The following COMMD7 variants were observed in gnomAD, a reference collection of about 807,000 sequenced individuals.
The protein encoded by COMMD7 is COMM domain containing 7.
In COMMD7, 28 loss-of-function variants were observed where a neutral mutation model predicts 34.8. The ratio of observed to expected loss-of-function variants is 0.80; its 90% CI spans 0.60 to 1.10. COMMD7 has a LOEUF of 1.10. Among genes scored for constraint, COMMD7 ranks in the 50% least tolerant of loss-of-function variants. The pLI is 0.00. For synonymous variants in COMMD7, 80 were observed against 86.4 expected, an observed-to-expected ratio of 0.93 and a Z score of 0.41; for missense variants, 211 against 241.6, an observed-to-expected ratio of 0.87 and a Z score of 0.84.
At chr20:32,717,992 G>C (rs1426476039) in intron 3 of COMMD7, among the ~76,000 whole-genome samples, 2 of 151,758 alleles carry the variant, frequency 1.3e-5, no homozygotes, top group Non-Finnish European at 2.9e-5. Context: ...AGGAAGCTGA[G>C]GCAGGAGAAT....
chr20:32,719,751 A>G (rs1378789433), intron 3 of COMMD7, among the ~76,000 whole-genome samples: 3 of 152,196 alleles, frequency 2.0e-5, no homozygotes, highest in Non-Finnish European at 2.9e-5. Flanking sequence ...GTTTTATCCC[A>G]TAATTTGACA....
intron 3 of COMMD7, among the ~76,000 whole-genome samples, chr20:32,707,286 A>G (rs1350278678): frequency 1.2e-5 from 1 of 84,534 alleles, no homozygotes; most frequent in African/African-American, 3.0e-5. Context: ...TCCGTCTCAA[A>G]AAAAAAAAAT....
chr20:32,716,412 T>G (rs988024854), intron 3 of COMMD7, among the ~76,000 whole-genome samples: 10 of 152,102 alleles, frequency 6.6e-5, no homozygotes, highest in East Asian at 3.9e-4. Flanking sequence ...TCAGGAGATC[T>G]AGACCATCCT....
chr20:32,731,422 G>A (rs558147602), intron 1 of COMMD7, among the ~76,000 whole-genome samples: 1 of 152,312 alleles, frequency 6.6e-6, no homozygotes, highest in East Asian at 1.9e-4. Context: ...CTTGAGCCCA[G>A]GAGCTTGAGG....
At position 32,703,955 on chromosome 20, in the gene COMMD7, C is replaced by T. The variant is rs761528433; in HGVS notation, c.526+68G>A. The T allele has an allele frequency of 2.1e-5, 34 of 1,610,122 alleles. No individual in the cohort carries two copies. In the South Asian group the frequency reaches 3.2e-4, roughly 15 times the overall value. ...TATAGAAGACATGATTTGTGGTGAG[C>T]GTCACCAGCCCCTGATTGCAGAGAA... On this transcript the variant is annotated intron_variant, in intron 8 of 8. Coordinates refer to ENST00000278980, the MANE Select transcript of COMMD7 (RefSeq NM_053041.3).
At chr20:32,709,425 G>A (rs993110071) in intron 3 of COMMD7, among the ~76,000 whole-genome samples, 5 of 150,344 alleles carry the variant, frequency 3.3e-5, no homozygotes, top group South Asian at 2.1e-4. Context: ...CAGGCTGGGC[G>A]CCTGTTACAA....
At chr20:32,712,293 A>AAAG (rs1555823349) in intron 3 of COMMD7, among the ~76,000 whole-genome samples, 7 of 146,926 alleles carry the variant, frequency 4.8e-5, no homozygotes, top group African/African-American at 1.5e-4. Flanking sequence ...AAAAAAAAAA[A>AAAG]AGAGAGAGAT....
intron 3 of COMMD7, 22 bp downstream of exon 3, chr20:32,727,871 G>C: frequency 6.5e-7 from 1 of 1,549,020 alleles, no homozygotes; most frequent in Non-Finnish European, 8.9e-7. Flanking sequence ...TCTGGCCACA[G>C]CTGCTAAGAG....
intron 7 of COMMD7, 92 bp from the exon 8 acceptor site, chr20:32,704,163 C>G: frequency 9.2e-7 from 1 of 1,088,384 alleles, no homozygotes; most frequent in Non-Finnish European, 1.3e-6. Flanking sequence ...AGCTTCCAAC[C>G]TGAGAGTCAT....
intron 1 of COMMD7, among the ~76,000 whole-genome samples, chr20:32,735,223 G>A (rs1169613100): frequency 8.0e-6 from 1 of 124,780 alleles, no homozygotes; most frequent in Admixed American, 8.1e-5. Context: ...GGGCAACAGC[G>A]CGAGACTCAA....
intron 3 of COMMD7, among the ~76,000 whole-genome samples, chr20:32,711,782 A>G (rs1984459372): frequency 7.1e-6 from 1 of 141,408 alleles, no homozygotes. Flanking sequence ...CAGACCTGCA[A>G]CATTTGACCT....
chr20:32,722,246 G>GA (rs747223357), intron 3 of COMMD7, among the ~76,000 whole-genome samples: 20,039 of 36,930 alleles, frequency 0.54, 5,926 homozygotes, highest in East Asian at 0.63. Flanking sequence ...ACTCTGTCTC[G>GA]AAAAAAAAAA....
chr20:32,708,887 G>T (rs991390855), intron 3 of COMMD7, among the ~76,000 whole-genome samples: 3 of 151,946 alleles, frequency 2.0e-5, no homozygotes, highest in Non-Finnish European at 2.9e-5. Context: ...GCCCAGGCTG[G>T]TCTCAAACTC....
chr20:32,727,742 TG>T (rs1272648484), intron 3 of COMMD7, 150 bp downstream of exon 3: 7 of 655,316 alleles, frequency 1.1e-5, no homozygotes, highest in Non-Finnish European at 1.9e-5. Flanking sequence ...ACCTGTTACG[TG>T]GGCTCCCTCC....
At chr20:32,738,290 T>C (rs959299289) in intron 1 of COMMD7, among the ~76,000 whole-genome samples, 3 of 152,160 alleles carry the variant, frequency 2.0e-5, no homozygotes, top group Admixed American at 6.6e-5. Context: ...CACTCTCAGC[T>C]AATTTTTAAA....
At chr20:32,737,487 A>G (rs1986199542) in intron 1 of COMMD7, among the ~76,000 whole-genome samples, 1 of 151,838 alleles carries the variant, frequency 6.6e-6, no homozygotes, top group Admixed American at 6.6e-5. Flanking sequence ...AGCCTGGGTG[A>G]TAGAATGAGA....
At chr20:32,741,675 C>G (rs1359001890) in intron 1 of COMMD7, among the ~76,000 whole-genome samples, 1 of 152,062 alleles carries the variant, frequency 6.6e-6, no homozygotes, top group Non-Finnish European at 1.5e-5. Flanking sequence ...TGTGAGCCAC[C>G]GTGCCCGGCC....
At chr20:32,727,804 G>T in intron 3 of COMMD7, 89 bp downstream of exon 3, 2 of 1,099,714 alleles carry the variant, frequency 1.8e-6, no homozygotes, top group Non-Finnish European at 2.8e-6. Flanking sequence ...CTCTGGCTTG[G>T]CCCACGGAGC....
At position 32,728,261 on chromosome 20, in the gene COMMD7, G is replaced by A. The variant is rs1318112082; in HGVS notation, c.85-119C>T. On this transcript the variant is annotated intron_variant, in intron 1 of 8. Coordinates refer to ENST00000278980, the MANE Select transcript of COMMD7 (RefSeq NM_053041.3). Reference sequence around the variant, plus strand: ...ACAGTAACAGCCAGGTGTTATGCCTGTTCTGATCATCCTATAGTTACAAAT... The same window carrying A: ...ACAGTAACAGCCAGGTGTTATGCCTATTCTGATCATCCTATAGTTACAAAT... 4 of 848,204 alleles carry A rather than the reference G, an allele frequency of 4.7e-6. No homozygotes were observed. The African/African-American group carries it at 5.0e-5, about 11-fold the overall frequency. The allele number at this position is 848,204 out of a possible 1,614,324, so 52.5% of individuals were successfully genotyped here. A position where few individuals can be genotyped will look rare whatever the true frequency, so the allele number is the denominator to read the frequency against.
Sources: gnomAD v4.1 joint callset for allele counts (sites outside exome capture counted in the v4.1 genomes callset) on GRCh38, gnomAD v4.1.1 for gene constraint, MANE v1.5 for transcripts, NCBI Gene and HGNC (gene_info 2026-07-23, HGNC 2026-07-21) for gene names.